Variants in CREBBP observed in about 807,000 individuals in gnomAD.
The protein encoded by CREBBP is CREB binding lysine acetyltransferase, also known as CREB-binding protein.
Under a neutral mutation model 265.0 loss-of-function variants are expected in CREBBP, and 19 were observed. That is an observed-to-expected ratio of 0.07 (90% confidence interval 0.05 to 0.11). CREBBP has a LOEUF of 0.11. Ranked by LOEUF, CREBBP falls within the 10% of genes least tolerant of loss-of-function variation. CREBBP has a pLI of 1.00. For missense variants in CREBBP, 2,525 were observed against 3,219.0 expected, an observed-to-expected ratio of 0.78 and a Z score of 5.22; for synonymous variants, 1,457 against 1,223.7, an observed-to-expected ratio of 1.19 and a Z score of -3.98.
chr16:3,732,123 T>C (rs1033615386), intron 28 of CREBBP, among the ~76,000 whole-genome samples, 186 bp from the exon 29 acceptor site: 1 of 152,170 alleles, frequency 6.6e-6, no homozygotes, highest in African/African-American at 2.4e-5. Flanking sequence ...GCAGGGCCTG[T>C]CCTCGGCCAG....
Position 3,794,331 on chromosome 16 carries a change from CAAAAAAAAAAAAAAAAAAAAA to C in CREBBP, c.976-726_976-706del, listed in dbSNP as rs746656673. 1.0e-4 allele frequency among the ~76,000 whole-genome samples: 4 copies of C among 39,594 alleles called. 1 individual carries two copies. Among genetic ancestry groups the C allele is most frequent in the Admixed American group, 4.6e-4 (1 of 2,156 alleles). The allele number at this position is 39,594 out of a possible 152,430, so 26.0% of individuals were successfully genotyped here. A position where few individuals can be genotyped will look rare whatever the true frequency, so the allele number is the denominator to read the frequency against. On this transcript the variant is annotated intron_variant, in intron 3 of 30. Transcript: ENST00000262367. Reference sequence around the variant, plus strand: ...TGGGCGACAGATCGAGACTCCGTCTCAAAAAAAAAAAAAAAAAAAAAAAAAAAAAAAAAAGATTTGCCAAGG... The same window carrying C: ...TGGGCGACAGATCGAGACTCCGTCTCAAAAAAAAAAAAAGATTTGCCAAGG...
At chr16:3,850,106 C>A (rs1192924920) in intron 2 of CREBBP, among the ~76,000 whole-genome samples, 191 bp downstream of exon 2, 1 of 152,104 alleles carries the variant, frequency 6.6e-6, no homozygotes, top group East Asian at 1.9e-4. Context: ...TTTAAGAATT[C>A]TCATTTTAAA....
At chr16:3,755,158 C>T (rs992325722) in intron 19 of CREBBP, among the ~76,000 whole-genome samples, 13 of 152,208 alleles carry the variant, frequency 8.5e-5, no homozygotes, top group Admixed American at 2.6e-4. Context: ...TAAAATTAGA[C>T]GTTTCAGAAC....
At chr16:3,792,779 A>G (rs1318498339) in intron 4 of CREBBP, among the ~76,000 whole-genome samples, 2 of 152,224 alleles carry the variant, frequency 1.3e-5, no homozygotes, top group Non-Finnish European at 2.9e-5. Context: ...AATAAGAAAC[A>G]CTTCCTTCGG....
chr16:3,732,161 C>T (rs147435587), intron 28 of CREBBP, among the ~76,000 whole-genome samples: 14 of 152,312 alleles, frequency 9.2e-5, no homozygotes, highest in Admixed American at 5.2e-4. Context: ...CTTTATGCCA[C>T]GCTGCCTCTA....
Position 3,740,396 on chromosome 16 carries a change from G to C in CREBBP, c.4133+3C>G, listed in dbSNP as rs1340599929. On this transcript the variant is annotated splice_donor_region_variant and intron_variant, in intron 24 of 30. Transcript: ENST00000262367. ...GAGCACTGTAGAGAGCAGGCACACT[G>C]ACCGTGACTTCATCCCGGGCTTGAC... The C allele has an allele frequency of 6.2e-7, 1 of 1,614,130 alleles. No individual in the cohort carries two copies. Among genetic ancestry groups the C allele is most frequent in the Non-Finnish European group, 8.5e-7 (1 of 1,180,034 alleles).
In CREBBP at chr16:3,850,729, A is replaced by G. The variant is rs778221727; in HGVS notation, c.366T>C (p.Pro122=). ...GGGCTGAAGAATCTCCCTGGCTCAGAGGGCTCTTGCCCATGGCACTGAGGC... is the reference window on the plus strand; with the variant it reads ...GGGCTGAAGAATCTCCCTGGCTCAGGGGGCTCTTGCCCATGGCACTGAGGC... ...MASLSAMGKS[P]LSQGDSSAPS... The change falls in exon 2 of 31, where the codon CCT becomes CCC. Residue 122 remains proline, a synonymous_variant. Coordinates refer to ENST00000262367, the MANE Select transcript of CREBBP (RefSeq NM_004380.3). 3.1e-6 allele frequency: 5 copies of G among 1,613,968 alleles called. No individual in the cohort carries two copies. The highest frequency in any genetic ancestry group is 1.7e-5 in the Admixed American group (1 of 60,000).
intron 2 of CREBBP, among the ~76,000 whole-genome samples, chr16:3,823,387 CTG>C (rs2054177213): frequency 6.6e-6 from 1 of 152,158 alleles, no homozygotes; most frequent in Non-Finnish European, 1.5e-5. Flanking sequence ...TGAGTGGTAA[CTG>C]AAATCAAATT....
At position 3,745,365 on chromosome 16, in the gene CREBBP, AAG is replaced by A. The variant is rs2052317423; in HGVS notation, c.3837-13_3837-12del. 6.2e-7 allele frequency: 1 copy of A among 1,613,494 alleles called. No individual in the cohort carries two copies. Among genetic ancestry groups the A allele is most frequent in the African/African-American group, 1.3e-5 (1 of 74,888 alleles). ...TTGCAATCAACGAAACTAGGAGGCA[AAG>A]AAGGCGCACTGTTAAAGCACACGGA... On this transcript the variant is annotated splice_polypyrimidine_tract_variant and intron_variant, in intron 21 of 30. Coordinates refer to ENST00000262367, the MANE Select transcript of CREBBP (RefSeq NM_004380.3).
rs587783498 is a variant in CREBBP, at chr16:3,736,643, C to T, written c.4560+7G>A. On this transcript the variant is annotated splice_region_variant and intron_variant, in intron 27 of 30. Coordinates refer to ENST00000262367, the MANE Select transcript of CREBBP (RefSeq NM_004380.3). ...AAAAGCCACCACCTTCCTTCAGCGC[C>T]GGGTACCTTGTAGTCATGGATGATC... is the stretch of plus-strand genomic sequence containing the variant. 1.5e-5 allele frequency: 25 copies of T among 1,614,100 alleles called. No individual in the cohort carries two copies. The highest frequency in any genetic ancestry group is 1.6e-4 in the Middle Eastern group (1 of 6,084).
chr16:3,849,439 G>T (rs2054759824), intron 2 of CREBBP, among the ~76,000 whole-genome samples: 1 of 17,218 alleles, frequency 5.8e-5, no homozygotes, highest in Non-Finnish European at 2.0e-4. Flanking sequence ...GTGTGTGTGT[G>T]TGTGTGTGTG....
intron 8 of CREBBP, among the ~76,000 whole-genome samples, chr16:3,779,668 A>G (rs551163698): frequency 2.0e-4 from 30 of 152,356 alleles, no homozygotes; most frequent in Non-Finnish European, 5.9e-5. Flanking sequence ...TTTGCTATTA[A>G]CAAGTATGTG....
chr16:3,838,600 T>A (rs1031787309), intron 2 of CREBBP, among the ~76,000 whole-genome samples: 3 of 152,158 alleles, frequency 2.0e-5, no homozygotes, highest in African/African-American at 7.2e-5. Flanking sequence ...GATAAAAGAC[T>A]GGTAGAGAAA....
At chr16:3,836,433 CAAAAAAAAA>C (rs564007443) in intron 2 of CREBBP, among the ~76,000 whole-genome samples, 2 of 53,904 alleles carry the variant, frequency 3.7e-5, no homozygotes, top group African/African-American at 6.4e-5. Context: ...GACTGTGTCT[CAAAAAAAAA>C]AAAAAAAGAA....
chr16:3,835,459 C>A (rs1265761291), intron 2 of CREBBP, among the ~76,000 whole-genome samples: 3 of 151,816 alleles, frequency 2.0e-5, no homozygotes, highest in African/African-American at 7.3e-5. Context: ...ACTACAGAGT[C>A]CAGAAACAGA....
chr16:3,858,601 G>A (rs958860164), intron 1 of CREBBP, among the ~76,000 whole-genome samples: 3 of 152,178 alleles, frequency 2.0e-5, no homozygotes, highest in Non-Finnish European at 4.4e-5. Context: ...ATAAACCCAC[G>A]TGCTGAATGA....
rs1333680181 is a variant in CREBBP, at chr16:3,774,713, G to A, written c.2159-20C>T. On this transcript the variant is annotated intron_variant, in intron 11 of 30. Coordinates refer to ENST00000262367, the MANE Select transcript of CREBBP (RefSeq NM_004380.3). ...TCATCCCTGTAAATGTACCCACAAC[G>A]GTTCATTAGGAAAAGCACCCACAGG... is the stretch of plus-strand genomic sequence containing the variant. The A allele has an allele frequency of 3.7e-6, 6 of 1,613,878 alleles. No individual in the cohort carries two copies. Among genetic ancestry groups the A allele is most frequent in the South Asian group, 1.1e-5 (1 of 91,072 alleles).
chr16:3,765,130 C>T lies in CREBBP; in HGVS notation c.3250+2590G>A, dbSNP rs951918188. ...CTGGGACTACAGGCGCCCGCCACCA[C>T]GCCCGCATAATTTTTTGTATTTTGT... is the stretch of plus-strand genomic sequence containing the variant. On this transcript the variant is annotated intron_variant, in intron 16 of 30. Coordinates refer to ENST00000262367, the MANE Select transcript of CREBBP (RefSeq NM_004380.3). Among the ~76,000 whole-genome samples the T allele has an allele frequency of 6.6e-5, 10 of 152,122 alleles. No individual in the cohort carries two copies. The East Asian group carries it at 1.5e-3, about 23-fold the overall frequency.
chr16:3,727,514 A>C lies in CREBBP; in HGVS notation c.*204T>G. 4 of 164,146 alleles carry C rather than the reference A, an allele frequency of 2.4e-5. No homozygotes were observed. In the East Asian group the frequency reaches 9.0e-4, roughly 37 times the overall value. The allele number at this position is 164,146 out of a possible 1,614,324, so 10.2% of individuals were successfully genotyped here. On this transcript the variant is annotated 3_prime_UTR_variant, in exon 31 of 31. Transcript: ENST00000262367. ...CCCCCCCACCCCCCCGCCAAAAAAA[A>C]ACCAAAGAGAGAGACCAGATATTTA...
Sources: gnomAD v4.1 joint callset for allele counts (sites outside exome capture counted in the v4.1 genomes callset) on GRCh38, gnomAD v4.1.1 for gene constraint, MANE v1.5 for transcripts, NCBI Gene and HGNC (gene_info 2026-07-23, HGNC 2026-07-21) for gene names.